AKAP19: variants seen among roughly 807,000 people sequenced by gnomAD.
AKAP19 encodes the protein A-kinase anchoring protein 19.
the AKAP19 span, among the ~76,000 whole-genome samples, chr2:190,091,952 T>TA: frequency 1.3e-5 from 2 of 152,138 alleles, no homozygotes; most frequent in Non-Finnish European, 2.9e-5. Context: ...ACTCAGTAAA[T>TA]AAACAAATTG....
the AKAP19 span, among the ~76,000 whole-genome samples, chr2:190,042,258 G>C: frequency 6.6e-6 from 1 of 152,088 alleles, no homozygotes; most frequent in South Asian, 2.1e-4. Flanking sequence ...GGATATGTGT[G>C]TCCAGGAATT....
the AKAP19 span, among the ~76,000 whole-genome samples, chr2:190,144,837 C>A: frequency 6.6e-6 from 1 of 152,220 alleles, no homozygotes; most frequent in South Asian, 2.1e-4. Flanking sequence ...ATTAGCCAGG[C>A]ACGGTGGCAC....
the AKAP19 span, among the ~76,000 whole-genome samples, chr2:190,156,100 G>A: frequency 3.3e-5 from 5 of 152,020 alleles, no homozygotes; most frequent in Admixed American, 2.0e-4. Context: ...CCTCCTTATA[G>A]GCTTTGGTTT....
At chr2:189,999,125 C>T in the AKAP19 span, among the ~76,000 whole-genome samples, 1 of 151,514 alleles carries the variant, frequency 6.6e-6, no homozygotes, top group Non-Finnish European at 1.5e-5. Flanking sequence ...TTTCTGCTTA[C>T]TTTTGTATAG....
chr2:190,196,643 A>C, the AKAP19 span, among the ~76,000 whole-genome samples: 3 of 150,306 alleles, frequency 2.0e-5, no homozygotes, highest in East Asian at 5.9e-4. Flanking sequence ...GGCTTATGTT[A>C]TCTTCCTTTA....
the AKAP19 span, among the ~76,000 whole-genome samples, chr2:189,893,791 A>C: frequency 2.6e-5 from 4 of 152,336 alleles, no homozygotes; most frequent in Non-Finnish European, 5.9e-5. Context: ...AGGCAATAAA[A>C]AAATAACAAT....
At chr2:190,115,554 C>T in the AKAP19 span, among the ~76,000 whole-genome samples, 17 of 149,746 alleles carry the variant, frequency 1.1e-4, no homozygotes, top group South Asian at 2.1e-4. Context: ...CTCCTGACCT[C>T]GTGATCCGCC....
chr2:190,098,079 C>T, the AKAP19 span, among the ~76,000 whole-genome samples: 1 of 152,028 alleles, frequency 6.6e-6, no homozygotes, highest in Non-Finnish European at 1.5e-5. Context: ...CTTCCAAACT[C>T]CTGTGAATGT....
the AKAP19 span, among the ~76,000 whole-genome samples, chr2:189,934,349 A>G: frequency 6.6e-6 from 1 of 152,088 alleles, no homozygotes; most frequent in South Asian, 2.1e-4. Context: ...GAAAACTGAC[A>G]AAATTTGTAA....
At chr2:189,896,252 G>C in the AKAP19 span, among the ~76,000 whole-genome samples, 2,353 of 152,144 alleles carry the variant, frequency 0.015, 61 homozygotes, top group African/African-American at 0.054. Context: ...ATGTGTTAGT[G>C]ACTTTGGAGG....
the AKAP19 span, among the ~76,000 whole-genome samples, chr2:190,183,627 A>G: frequency 2.3e-3 from 355 of 152,194 alleles, 1 homozygote; most frequent in African/African-American, 8.1e-3. Context: ...TTAATTTTGA[A>G]TATTAAAAAT....
the AKAP19 span, among the ~76,000 whole-genome samples, chr2:189,942,628 T>G: frequency 6.6e-6 from 1 of 152,192 alleles, no homozygotes; most frequent in African/African-American, 2.4e-5. Flanking sequence ...GTTTGGAACT[T>G]CTTAGACACT....
At chr2:189,941,276 T>C in the AKAP19 span, among the ~76,000 whole-genome samples, 1 of 152,132 alleles carries the variant, frequency 6.6e-6, no homozygotes, top group Non-Finnish European at 1.5e-5. Context: ...AAAGAAAGCA[T>C]TGAAAAGTAT....
chr2:190,184,719 G>A, the AKAP19 span, among the ~76,000 whole-genome samples: 1 of 152,130 alleles, frequency 6.6e-6, no homozygotes, highest in East Asian at 1.9e-4. Context: ...AAAGGGTGCT[G>A]GGTGGAGATA....
the AKAP19 span, among the ~76,000 whole-genome samples, chr2:190,029,854 C>T: frequency 2.1e-3 from 320 of 152,088 alleles, 4 homozygotes; most frequent in African/African-American, 7.3e-3. Flanking sequence ...ACAGACTGAG[C>T]GAGAGAATAT....
chr2:190,040,538 A>G, the AKAP19 span, among the ~76,000 whole-genome samples: 1 of 152,084 alleles, frequency 6.6e-6, no homozygotes, highest in Admixed American at 6.6e-5. Context: ...CCCACTTGTC[A>G]ATTTTTGCTT....
chr2:189,943,300 C>T, the AKAP19 span, among the ~76,000 whole-genome samples: 1 of 152,196 alleles, frequency 6.6e-6, no homozygotes, highest in Non-Finnish European at 1.5e-5. Flanking sequence ...CAAAGGGCCC[C>T]TGGTACAGCT....
chr2:190,076,144 T>C, the AKAP19 span, among the ~76,000 whole-genome samples: 1 of 152,222 alleles, frequency 6.6e-6, no homozygotes, highest in Non-Finnish European at 1.5e-5. Context: ...TATTTATGCA[T>C]ATATCTATAT....
chr2:190,138,145 C>T, the AKAP19 span, among the ~76,000 whole-genome samples: 1 of 152,206 alleles, frequency 6.6e-6, no homozygotes, highest in African/African-American at 2.4e-5. Flanking sequence ...AAACTTTTAA[C>T]TCATCTTCTG....
Sources: allele counts gnomAD v4.1 joint callset (sites outside exome capture counted in the v4.1 genomes callset), GRCh38; gene constraint gnomAD v4.1.1; transcripts MANE v1.5; gene names NCBI Gene and HGNC (gene_info 2026-07-23, HGNC 2026-07-21).